Variants in COL20A1 observed in about 807,000 individuals in gnomAD.
COL20A1 encodes the protein collagen alpha-1(XX) chain.
Under a neutral mutation model 152.9 loss-of-function variants are expected in COL20A1, and 164 were observed. The observed-to-expected ratio is 1.07, with a 90% CI of 0.94 to 1.22. The LOEUF (loss-of-function observed/expected upper bound fraction) is 1.22, where lower values mean the gene tolerates loss of function less well. Among genes scored for constraint, COL20A1 ranks in the 50% most tolerant of loss-of-function variants. The pLI is 0.00. For synonymous variants in COL20A1, 864 were observed against 756.0 expected, an observed-to-expected ratio of 1.14 and a Z score of -2.34; for missense variants, 1,873 against 1,744.8, an observed-to-expected ratio of 1.07 and a Z score of -1.31.
Position 63,306,200 on chromosome 20 carries a change from T to C in COL20A1, c.496+161T>C, listed in dbSNP as rs1568768715. Reference sequence around the variant, plus strand: ...TCCTCGTGTCTGACCACACGGTCTCTGACCACGAGGCCGGGAAGTTCTTCC... The same window carrying C: ...TCCTCGTGTCTGACCACACGGTCTCCGACCACGAGGCCGGGAAGTTCTTCC... On this transcript the variant is annotated intron_variant, in intron 5 of 35. Coordinates refer to ENST00000358894, the MANE Select transcript of COL20A1 (RefSeq NM_020882.4). The surrounding 1 kb of genome is among the most constrained non-coding windows in gnomAD (Gnocchi z 6.9). 5.2e-6 allele frequency: 3 copies of C among 573,896 alleles called. No individual in the cohort carries two copies. The highest frequency in any genetic ancestry group is 6.1e-5 in the East Asian group (2 of 32,522). The allele number at this position is 573,896 out of a possible 1,614,324, so 35.6% of individuals were successfully genotyped here.
intron 21 of COL20A1, among the ~76,000 whole-genome samples, chr20:63,317,291 C>T (rs530535474): frequency 6.6e-6 from 1 of 152,046 alleles, no homozygotes; most frequent in African/African-American, 2.4e-5. Flanking sequence ...CAGCAAGACC[C>T]CATCTCTACA....
At chr20:63,300,655 C>T (rs944670252) in intron 3 of COL20A1, among the ~76,000 whole-genome samples, 1 of 151,994 alleles carries the variant, frequency 6.6e-6, no homozygotes, top group African/African-American at 2.4e-5. Flanking sequence ...GTTGGTCTGT[C>T]GTTGATTTTG....
At chr20:63,314,329 G>C in intron 19 of COL20A1, 128 bp downstream of exon 19, 1 of 792,394 alleles carries the variant, frequency 1.3e-6, no homozygotes, top group Non-Finnish European at 2.0e-6. Context: ...TTGACCCCAG[G>C]GGTCACAGGC....
At chr20:63,329,129 C>T (rs942486081) in intron 34 of COL20A1, 8 of 184,126 alleles carry the variant, frequency 4.3e-5, no homozygotes, top group Admixed American at 3.2e-4. Context: ...GTTCGGGCAT[C>T]GGCTGAATCC....
intron 9 of COL20A1, 106 bp from the exon 10 acceptor site, chr20:63,309,652 C>A: frequency 1.6e-6 from 2 of 1,287,096 alleles, no homozygotes; most frequent in Non-Finnish European, 2.1e-6. Flanking sequence ...CACAGAAGGG[C>A]TGGGGAGCAG....
intron 21 of COL20A1, among the ~76,000 whole-genome samples, chr20:63,318,773 TTATG>T (rs1312726281): frequency 2.0e-5 from 3 of 152,120 alleles, no homozygotes; most frequent in East Asian, 1.9e-4. Flanking sequence ...ATTCTGTCCT[TTATG>T]TACCCCATGT....
At position 63,316,740 on chromosome 20, in the gene COL20A1, C is replaced by G. The variant is rs749941280; in HGVS notation, c.2663+49C>G. On this transcript the variant is annotated intron_variant, in intron 21 of 35. Coordinates refer to ENST00000358894, the MANE Select transcript of COL20A1 (RefSeq NM_020882.4). ...GAGCTGGAAGCCCAGGCTGGGGCCG[C>G]TGAAGATTAGGAGGACATGGTGGGG... The G allele has an allele frequency of 6.2e-6, 9 of 1,454,416 alleles. No individual in the cohort carries two copies. In the South Asian group the frequency reaches 1.2e-4, roughly 20 times the overall value. 90.1% of individuals were successfully genotyped at this position (1,454,416 alleles called of 1,614,324 possible).
At chr20:63,308,859 C>A (rs1314850175) in intron 8 of COL20A1, among the ~76,000 whole-genome samples, 153 bp downstream of exon 8, 1 of 152,206 alleles carries the variant, frequency 6.6e-6, no homozygotes, top group Non-Finnish European at 1.5e-5. Flanking sequence ...CCGCCTGGCA[C>A]TCAGAGGCGA....
rs765782240 is a variant in COL20A1, at chr20:63,311,593, G to C, written c.1540-32G>C. On this transcript the variant is annotated intron_variant, in intron 12 of 35. Coordinates refer to ENST00000358894, the MANE Select transcript of COL20A1 (RefSeq NM_020882.4). This position sits in a 1 kb window ranked among gnomAD's most constrained non-coding sequence, Gnocchi z 4.4. ...GGCAGAGGAGTGGGGCAGAGCGAGT[G>C]GGGGCTGGCCTGGGACGTCATGTCT... 1.2e-6 allele frequency: 2 copies of C among 1,610,396 alleles called. No individual in the cohort carries two copies. Among genetic ancestry groups the C allele is most frequent in the Admixed American group, 1.7e-5 (1 of 59,944 alleles).
chr20:63,326,656 G>A (rs6062895), intron 30 of COL20A1, 96 bp from the exon 31 acceptor site: 2 of 816,442 alleles, frequency 2.4e-6, no homozygotes, highest in Non-Finnish European at 3.6e-6. Flanking sequence ...GCCCTTGTCA[G>A]GTCAGGGGGC....
chr20:63,311,320 T>G lies in COL20A1; in HGVS notation c.1394-74T>G. On this transcript the variant is annotated intron_variant, in intron 11 of 35. Coordinates refer to ENST00000358894, the MANE Select transcript of COL20A1 (RefSeq NM_020882.4). The surrounding 1 kb of genome is among the most constrained non-coding windows in gnomAD (Gnocchi z 4.4). ...CGGTGGCCGTGCCCACCCACTCTGG[T>G]GTGAGGGTGCCCCGTGCGTGGGTGT... The G allele has an allele frequency of 7.0e-7, 1 of 1,425,876 alleles. No individual in the cohort carries two copies. Among genetic ancestry groups the G allele is most frequent in the Non-Finnish European group, 9.4e-7 (1 of 1,069,052 alleles). 88.3% of individuals were successfully genotyped at this position (1,425,876 alleles called of 1,614,324 possible).
chr20:63,331,597 C>T lies in COL20A1; in HGVS notation c.*881C>T, dbSNP rs1370217205. The T allele has an allele frequency of 6.6e-6, 1 of 152,270 alleles. No homozygotes were observed. The highest frequency in any genetic ancestry group is 2.4e-5 in the African/African-American group (1 of 41,452). The allele number at this position is 152,270 out of a possible 1,614,324, so 9.4% of individuals were successfully genotyped here. On this transcript the variant is annotated 3_prime_UTR_variant, in exon 36 of 36. Transcript: ENST00000358894. ...TGCCTTATCCCCACTGTGGCCCAAA[C>T]AGCATGGGGGCAAGCTCAGAACACA... is the stretch of plus-strand genomic sequence containing the variant.
chr20:63,323,991 A>G (rs1269879922), intron 27 of COL20A1, among the ~76,000 whole-genome samples: 5 of 152,230 alleles, frequency 3.3e-5, no homozygotes, highest in African/African-American at 1.2e-4. Context: ...AAACACAGCC[A>G]TCCTGCCTTT....
At chr20:63,323,783 T>C (rs6011735) in intron 27 of COL20A1, among the ~76,000 whole-genome samples, 6,453 of 152,354 alleles carry the variant, frequency 0.042, 485 homozygotes, top group African/African-American at 0.15. Context: ...CGATGCCAGA[T>C]GGGCTGGTCC....
chr20:63,298,291 A>C (rs925805561), intron 3 of COL20A1, among the ~76,000 whole-genome samples: 1 of 152,108 alleles, frequency 6.6e-6, no homozygotes, highest in African/African-American at 2.4e-5. Context: ...TTTTAATTTC[A>C]ATTTTTAATT....
At position 63,307,521 on chromosome 20, in the gene COL20A1, G is replaced by A. The variant is rs1381537342; in HGVS notation, c.528G>A (p.Val176=). The A allele has an allele frequency of 4.3e-6, 7 of 1,612,244 alleles. No homozygotes were observed. The highest frequency in any genetic ancestry group is 1.7e-5 in the Admixed American group (1 of 59,972). The change falls in exon 6 of 36, where the codon GTG becomes GTA. Residue 176 remains valine, a synonymous_variant. Transcript: ENST00000358894. ...AGPQFRCLPP[V]PADMVFLVDG... ...CCCAGTTCCGCTGCCTGCCCCCCGT[G>A]CCTGCTGACATGGTCTTCCTGGTGG... is the stretch of plus-strand genomic sequence containing the variant.
intron 35 of COL20A1, 49 bp downstream of exon 35, chr20:63,329,710 G>A: frequency 7.3e-7 from 1 of 1,368,308 alleles, no homozygotes; most frequent in Non-Finnish European, 9.9e-7. Flanking sequence ...GGGCATCCAG[G>A]AAGGAGGAGC....
chr20:63,302,230 A>G (rs572230061), intron 3 of COL20A1, among the ~76,000 whole-genome samples: 1 of 152,352 alleles, frequency 6.6e-6, no homozygotes, highest in Admixed American at 6.5e-5. Context: ...CATAACCCCA[A>G]TACCATGAGC....
Position 63,313,277 on chromosome 20 carries a change from T to C in COL20A1, c.2209+28T>C. 6.3e-7 allele frequency: 1 copy of C among 1,593,990 alleles called. No individual in the cohort carries two copies. The highest frequency in any genetic ancestry group is 1.7e-5 in the Admixed American group (1 of 59,156). On this transcript the variant is annotated intron_variant, in intron 17 of 35. Coordinates refer to ENST00000358894, the MANE Select transcript of COL20A1 (RefSeq NM_020882.4). This position sits in a 1 kb window ranked among gnomAD's most constrained non-coding sequence, Gnocchi z 5.9. ...AGGTGCCCCTCCACTTCCCCTCTGC[T>C]GGGTGTGGGGCAGGGATGGCCCAGG...
Sources: gnomAD v4.1 joint callset for allele counts (sites outside exome capture counted in the v4.1 genomes callset) on GRCh38, gnomAD v4.1.1 for gene constraint, Gnocchi (gnomAD v3.1) non-coding constraint, MANE v1.5 for transcripts, NCBI Gene and HGNC (gene_info 2026-07-23, HGNC 2026-07-21) for gene names.